RALYL: variants seen among roughly 807,000 people sequenced by gnomAD.
RALYL encodes the protein RNA-binding Raly-like protein.
In RALYL, 29 loss-of-function variants were observed where a neutral mutation model predicts 35.1. That is an observed-to-expected ratio of 0.83 (90% CI 0.61 to 1.13). The LOEUF (loss-of-function observed/expected upper bound fraction) is 1.13, where lower values mean the gene tolerates loss of function less well. Ranked by LOEUF, RALYL falls within the 50% of genes most tolerant of loss-of-function variation. The probability of loss-of-function intolerance (pLI) is 0.00; values close to 1 mark genes in which losing one functional copy is unlikely to be tolerated. For missense variants in RALYL, 359 were observed against 360.4 expected (o/e 1.00, Z 0.03); for synonymous variants, 120 against 127.6 (o/e 0.94, Z 0.40).
At chr8:84,196,424 TA>T in intron 1 of RALYL, among the ~76,000 whole-genome samples, 1 of 152,326 alleles carries the variant, frequency 6.6e-6, no homozygotes, top group Admixed American at 6.5e-5. Flanking sequence ...AAAGACATAT[TA>T]AAAAAGTTAA....
chr8:84,801,430 T>C (rs994362551), intron 3 of RALYL, among the ~76,000 whole-genome samples: 5 of 152,162 alleles, frequency 3.3e-5, no homozygotes, highest in Non-Finnish European at 7.4e-5. Flanking sequence ...GGTTTAATAT[T>C]CTTACCAGTC....
chr8:84,558,101 G>T (rs962758363), intron 2 of RALYL, among the ~76,000 whole-genome samples: 2 of 152,238 alleles, frequency 1.3e-5, no homozygotes, highest in African/African-American at 2.4e-5. Context: ...TAAGTGTAAA[G>T]AAGCTATACT....
At chr8:84,900,944 G>A (rs1162802112) in intron 8 of RALYL, among the ~76,000 whole-genome samples, 1 of 152,196 alleles carries the variant, frequency 6.6e-6, no homozygotes, top group East Asian at 1.9e-4. Flanking sequence ...GGGGTAACTA[G>A]TGGAAAAGTA....
chr8:84,647,896 G>T (rs562643421), intron 2 of RALYL, among the ~76,000 whole-genome samples: 2 of 152,186 alleles, frequency 1.3e-5, no homozygotes, highest in East Asian at 1.9e-4. Flanking sequence ...GTGAGTTAGT[G>T]CAAGGTGCTT....
At chr8:84,461,595 C>T (rs2050772626) in intron 1 of RALYL, among the ~76,000 whole-genome samples, 2 of 151,634 alleles carry the variant, frequency 1.3e-5, no homozygotes, top group South Asian at 4.1e-4. Context: ...TCTTCTGAAA[C>T]ATGTCTGTTT....
At chr8:84,374,069 C>T (rs1856454403) in intron 1 of RALYL, among the ~76,000 whole-genome samples, 1 of 151,940 alleles carries the variant, frequency 6.6e-6, no homozygotes, top group Non-Finnish European at 1.5e-5. Flanking sequence ...TATCCTGAAA[C>T]TTTGTTGAAG....
At chr8:84,859,589 C>T (rs896436365) in intron 5 of RALYL, among the ~76,000 whole-genome samples, 1 of 152,118 alleles carries the variant, frequency 6.6e-6, no homozygotes, top group Admixed American at 6.5e-5. Context: ...GTGGCTCATG[C>T]GTATAATCCC....
At chr8:84,827,502 T>C (rs1829967817) in intron 4 of RALYL, among the ~76,000 whole-genome samples, 1 of 152,136 alleles carries the variant, frequency 6.6e-6, no homozygotes, top group South Asian at 2.1e-4. Context: ...TGAATAGACT[T>C]ATTGTAACAT....
intron 1 of RALYL, among the ~76,000 whole-genome samples, chr8:84,485,825 G>A (rs978201939): frequency 5.9e-5 from 9 of 152,014 alleles, no homozygotes; most frequent in African/African-American, 2.2e-4. Context: ...TCATATCCAA[G>A]CAGCCATTAT....
intron 2 of RALYL, among the ~76,000 whole-genome samples, chr8:84,631,799 T>C (rs1823964329): frequency 6.6e-6 from 1 of 151,966 alleles, no homozygotes; most frequent in South Asian, 2.1e-4. Flanking sequence ...ACTTACATTC[T>C]GCGGATTCAT....
intron 3 of RALYL, among the ~76,000 whole-genome samples, chr8:84,794,585 A>G (rs1821485029): frequency 6.6e-6 from 1 of 152,242 alleles, no homozygotes; most frequent in African/African-American, 2.4e-5. Context: ...TTTTCTTAAT[A>G]GAAACATCTG....
chr8:84,295,052 G>A (rs1028012489), intron 1 of RALYL, among the ~76,000 whole-genome samples: 3 of 152,100 alleles, frequency 2.0e-5, no homozygotes, highest in Non-Finnish European at 4.4e-5. Flanking sequence ...ATTACCTACA[G>A]AACCTGTTGG....
At chr8:84,753,775 CT>C (rs1442007043) in intron 2 of RALYL, among the ~76,000 whole-genome samples, 4 of 152,136 alleles carry the variant, frequency 2.6e-5, no homozygotes, top group Non-Finnish European at 4.4e-5. Flanking sequence ...ATCATGCCCC[CT>C]GTACAGCCAA....
chr8:84,822,305 A>G (rs1247957783), intron 4 of RALYL, among the ~76,000 whole-genome samples: 1 of 152,180 alleles, frequency 6.6e-6, no homozygotes, highest in Non-Finnish European at 1.5e-5. Context: ...CCAAATTCCC[A>G]TGTAAAGCCA....
At chr8:84,550,012 C>T (rs1417587325) in intron 2 of RALYL, among the ~76,000 whole-genome samples, 1 of 152,168 alleles carries the variant, frequency 6.6e-6, no homozygotes, top group East Asian at 1.9e-4. Flanking sequence ...TACACTTTAG[C>T]AACAGGAGAC....
intron 1 of RALYL, among the ~76,000 whole-genome samples, chr8:84,256,622 CT>C (rs1831255525): frequency 6.6e-6 from 1 of 152,042 alleles, no homozygotes; most frequent in African/African-American, 2.4e-5. Flanking sequence ...AGAAATTTGT[CT>C]GAATCAGGGC....
chr8:84,318,278 C>T (rs909555997), intron 1 of RALYL, among the ~76,000 whole-genome samples: 2 of 152,172 alleles, frequency 1.3e-5, no homozygotes, highest in Non-Finnish European at 2.9e-5. Flanking sequence ...CCACCCAGTG[C>T]CCTCAAATAT....
chr8:84,221,727 G>A (rs772973749), intron 1 of RALYL, among the ~76,000 whole-genome samples: 4 of 151,962 alleles, frequency 2.6e-5, no homozygotes, highest in Non-Finnish European at 4.4e-5. Context: ...GACACATAGG[G>A]AAATCTAAAA....
chr8:84,329,600 T>C (rs1362062089), intron 1 of RALYL, among the ~76,000 whole-genome samples: 2 of 152,110 alleles, frequency 1.3e-5, no homozygotes, highest in Admixed American at 1.3e-4. Flanking sequence ...AAAAGCTCCT[T>C]AGTTTAATTA....
Sources: gnomAD v4.1 joint callset for allele counts (sites outside exome capture counted in the v4.1 genomes callset) on GRCh38, gnomAD v4.1.1 for gene constraint, MANE v1.5 for transcripts, NCBI Gene and HGNC (gene_info 2026-07-23, HGNC 2026-07-21) for gene names.